The following ESRRB variants were observed in gnomAD, a reference collection of about 807,000 sequenced individuals.
ESRRB encodes the protein steroid hormone receptor ERR2.
A neutral mutation model predicts 46.0 loss-of-function variants in ESRRB; 16 were observed. The observed-to-expected ratio is 0.35, with a 90% CI of 0.24 to 0.53. The LOEUF is 0.53. Ranked by LOEUF, ESRRB falls within the 20% of genes least tolerant of loss-of-function variation. The pLI, the probability that ESRRB is intolerant of heterozygous loss-of-function variation, is 0.93. For missense variants in ESRRB, 488 were observed against 607.4 expected, an observed-to-expected ratio of 0.80 and a Z score of 2.07; for synonymous variants, 246 against 259.6, an observed-to-expected ratio of 0.95 and a Z score of 0.50.
chr14:76,454,731 C>T (rs1002328561), intron 2 of ESRRB, among the ~76,000 whole-genome samples: 4 of 152,134 alleles, frequency 2.6e-5, no homozygotes, highest in Admixed American at 6.5e-5. Flanking sequence ...GCCTGGTAGG[C>T]TTTGCCCTGG....
At chr14:76,472,012 G>GT (rs1889391935) in intron 3 of ESRRB, among the ~76,000 whole-genome samples, 1 of 152,200 alleles carries the variant, frequency 6.6e-6, no homozygotes, top group African/African-American at 2.4e-5. Context: ...GGTCAACTGA[G>GT]TTTCAGCGAT....
Position 76,462,721 on chromosome 14 carries a change from TC to T in ESRRB, c.577+64del, listed in dbSNP as rs1005130367. On this transcript the variant is annotated intron_variant, in intron 3 of 6. Transcript: ENST00000644823. ...GGCTCTGCTTGCTGGGGAGTTTTTG[TC>T]CCCTGTGAGACACCCACAAGCTGTG... The T allele has an allele frequency of 8.4e-6, 11 of 1,312,696 alleles. No individual in the cohort carries two copies. In the Admixed American group the frequency reaches 1.5e-4, roughly 18 times the overall value. 81.3% of individuals were successfully genotyped at this position (1,312,696 alleles called of 1,614,324 possible). A position where few individuals can be genotyped will look rare whatever the true frequency, so the allele number is the denominator to read the frequency against.
At chr14:76,417,317 G>A (rs1174363403) in intron 1 of ESRRB, among the ~76,000 whole-genome samples, 2 of 152,128 alleles carry the variant, frequency 1.3e-5, no homozygotes, top group African/African-American at 4.8e-5. Flanking sequence ...GATGACCTTG[G>A]CACACTTGGG....
intron 1 of ESRRB, among the ~76,000 whole-genome samples, chr14:76,434,384 G>A (rs1887579660): frequency 1.3e-5 from 2 of 152,150 alleles, no homozygotes; most frequent in African/African-American, 4.8e-5. Context: ...TGGGGGTGGT[G>A]GCCCATCCTG....
At chr14:76,337,805 C>T (rs1007025728) in intron 1 of ESRRB, among the ~76,000 whole-genome samples, 1 of 152,168 alleles carries the variant, frequency 6.6e-6, no homozygotes, top group Non-Finnish European at 1.5e-5. Flanking sequence ...CCTCCTTTGC[C>T]CAATCCTACT....
rs1890543889 is a variant in ESRRB, at chr14:76,498,830, C to T, written c.*372C>T. The T allele has an allele frequency of 1.8e-6, 1 of 557,076 alleles. No homozygotes were observed. Among genetic ancestry groups the T allele is most frequent in the African/African-American group, 1.9e-5 (1 of 52,802 alleles). 34.5% of individuals were successfully genotyped at this position (557,076 alleles called of 1,614,324 possible). A position where few individuals can be genotyped will look rare whatever the true frequency, so the allele number is the denominator to read the frequency against. ...GGCAGCATGTGCATTTCCTAACTCCCTTGCCCCCTCCCCCATCTGTGGCCT... is the reference window on the plus strand; with the variant it reads ...GGCAGCATGTGCATTTCCTAACTCCTTTGCCCCCTCCCCCATCTGTGGCCT... On this transcript the variant is annotated 3_prime_UTR_variant, in exon 7 of 7. Coordinates refer to ENST00000644823, the MANE Select transcript of ESRRB (RefSeq NM_001379180.1).
intron 6 of ESRRB, among the ~76,000 whole-genome samples, chr14:76,497,306 G>A (rs1446991790): frequency 1.3e-5 from 2 of 152,104 alleles, no homozygotes; most frequent in Non-Finnish European, 2.9e-5. Flanking sequence ...CCCAGCCTGA[G>A]TCCCCACAGG....
At chr14:76,312,708 T>G (rs1883753696) in intron 1 of ESRRB, among the ~76,000 whole-genome samples, 1 of 151,934 alleles carries the variant, frequency 6.6e-6, no homozygotes, top group African/African-American at 2.4e-5. Flanking sequence ...CTGCTAAGGT[T>G]TTTTCACCAT....
At chr14:76,491,372 C>G (rs1268040393) in intron 5 of ESRRB, 75 bp from the exon 6 acceptor site, 2 of 1,501,982 alleles carry the variant, frequency 1.3e-6, no homozygotes, top group Non-Finnish European at 1.8e-6. Flanking sequence ...AACCTCTGCC[C>G]CCAGCGAGCC....
chr14:76,460,152 CATA>C (rs1170529890), intron 2 of ESRRB, among the ~76,000 whole-genome samples: 1 of 152,170 alleles, frequency 6.6e-6, no homozygotes, highest in Non-Finnish European at 1.5e-5. Context: ...GGTTTCCATC[CATA>C]TCCCATGTGG....
chr14:76,424,983 C>T (rs539430376), intron 1 of ESRRB, among the ~76,000 whole-genome samples: 119 of 152,270 alleles, frequency 7.8e-4, no homozygotes, highest in African/African-American at 2.8e-3. Flanking sequence ...GCGATCTGCC[C>T]GCCTCAGCCT....
At chr14:76,485,045 AAAAAT>A (rs1427817780) in intron 5 of ESRRB, among the ~76,000 whole-genome samples, 1 of 152,150 alleles carries the variant, frequency 6.6e-6, no homozygotes, top group Non-Finnish European at 1.5e-5. Context: ...TTTTTGGTAA[AAAAAT>A]AAAATAAAAT....
chr14:76,432,671 C>CTTTTTTTTT (rs529243634), intron 1 of ESRRB, among the ~76,000 whole-genome samples: 2 of 111,474 alleles, frequency 1.8e-5, no homozygotes, highest in Admixed American at 9.4e-5. Flanking sequence ...TTCTCTCTCT[C>CTTTTTTTTT]TTTTTTTTTT....
chr14:76,336,164 T>A (rs1884124157), intron 1 of ESRRB, among the ~76,000 whole-genome samples: 1 of 152,310 alleles, frequency 6.6e-6, no homozygotes, highest in East Asian at 1.9e-4. Context: ...CGCTGCCTTT[T>A]AGTTGACAGG....
At chr14:76,489,445 C>CACA (rs1555344591) in intron 5 of ESRRB, among the ~76,000 whole-genome samples, 1 of 129,598 alleles carries the variant, frequency 7.7e-6, no homozygotes, top group Non-Finnish European at 1.6e-5. Context: ...ATCTGGACAA[C>CACA]CACACACACA....
intron 1 of ESRRB, among the ~76,000 whole-genome samples, chr14:76,316,309 G>A (rs1883799242): frequency 6.6e-6 from 1 of 152,136 alleles, no homozygotes; most frequent in Non-Finnish European, 1.5e-5. Flanking sequence ...TTTGCTCACT[G>A]TTAAGCCATT....
At chr14:76,423,330 G>A (rs1887055480) in intron 1 of ESRRB, among the ~76,000 whole-genome samples, 1 of 152,078 alleles carries the variant, frequency 6.6e-6, no homozygotes, top group South Asian at 2.1e-4. Flanking sequence ...TTTTAGTAGA[G>A]ACAGGGTTTC....
intron 1 of ESRRB, among the ~76,000 whole-genome samples, chr14:76,423,446 C>T (rs1207994790): frequency 6.6e-6 from 1 of 152,192 alleles, no homozygotes; most frequent in Non-Finnish European, 1.5e-5. Flanking sequence ...GCCATCCTTT[C>T]ATAGACTCTT....
intron 2 of ESRRB, among the ~76,000 whole-genome samples, chr14:76,458,606 C>T (rs1258812954): frequency 6.6e-6 from 1 of 152,154 alleles, no homozygotes; most frequent in African/African-American, 2.4e-5. Context: ...ACTCCTTGCT[C>T]TGAGCAGCAG....
Sources: allele counts gnomAD v4.1 joint callset (sites outside exome capture counted in the v4.1 genomes callset), GRCh38; gene constraint gnomAD v4.1.1; transcripts MANE v1.5; gene names NCBI Gene and HGNC (gene_info 2026-07-23, HGNC 2026-07-21).